Variants in DIMT1 observed in about 807,000 individuals in gnomAD.
DIMT1 encodes dimethyladenosine transferase.
In DIMT1, 36 loss-of-function variants were observed where a neutral mutation model predicts 43.2. The ratio of observed to expected loss-of-function variants is 0.83; its 90% CI spans 0.64 to 1.10. The LOEUF (loss-of-function observed/expected upper bound fraction) is 1.10, where lower values mean the gene tolerates loss of function less well. DIMT1 is among the 50% of genes least tolerant of loss of function. The pLI is 0.00. For missense variants in DIMT1, 341 were observed against 385.3 expected, an observed-to-expected ratio of 0.88 and a Z score of 0.96; for synonymous variants, 126 against 130.3, an observed-to-expected ratio of 0.97 and a Z score of 0.22.
chr5:62,389,114 A>G, intron 11 of DIMT1, 62 bp from the exon 12 acceptor site: 1 of 1,401,854 alleles, frequency 7.1e-7, no homozygotes, highest in South Asian at 1.2e-5. Context: ...ATAACGGTAT[A>G]TAGTTCTATA....
chr5:62,402,486 G>A (rs556880870), intron 2 of DIMT1, among the ~76,000 whole-genome samples: 1 of 152,274 alleles, frequency 6.6e-6, no homozygotes, highest in Admixed American at 6.5e-5. Flanking sequence ...GTTGGGCGAA[G>A]ATTTTTCAAT....
chr5:62,403,870 C>T lies in DIMT1; in HGVS notation c.-98G>A, dbSNP rs1412606943. 11 of 1,315,230 alleles carry T rather than the reference C, an allele frequency of 8.4e-6. No individual in the cohort carries two copies. The highest frequency in any genetic ancestry group is 2.5e-5 in the East Asian group (1 of 39,934). 81.5% of individuals were successfully genotyped at this position (1,315,230 alleles called of 1,614,324 possible). A position where few individuals can be genotyped will look rare whatever the true frequency, so the allele number is the denominator to read the frequency against. On this transcript the variant is annotated 5_prime_UTR_variant, in exon 1 of 12. Coordinates refer to ENST00000199320, the MANE Select transcript of DIMT1 (RefSeq NM_014473.4). ...ACGTGGGGATCGCCGCCACGCGCCG[C>T]CCGCACCACTCTGGCCCAAGCGCCG... is the stretch of plus-strand genomic sequence containing the variant.
intron 3 of DIMT1, 79 bp from the exon 4 acceptor site, chr5:62,398,960 A>G: frequency 1.8e-6 from 2 of 1,119,956 alleles, no homozygotes; most frequent in Non-Finnish European, 1.3e-6. Context: ...AGGAACTCTT[A>G]CATGATTTAT....
Position 62,403,318 on chromosome 5 carries a change from C to T in DIMT1, c.108G>A (p.Gln36=), listed in dbSNP as rs1282501872. The change falls in exon 2 of 12, where the codon CAG becomes CAA. Residue 36 remains glutamine, a synonymous_variant. Coordinates refer to ENST00000199320, the MANE Select transcript of DIMT1 (RefSeq NM_014473.4). ...GGLMFNTGIG[Q]HILKNPLIIN... is the part of the protein sequence containing the mutation. ...TAATGAGAGGATTTTTCAAAATGTG[C>T]TGCCCAATCCCCGTGTTGAACATGA... The T allele has an allele frequency of 5.6e-6, 9 of 1,613,926 alleles. No homozygotes were observed. The highest frequency in any genetic ancestry group is 7.6e-6 in the Non-Finnish European group (9 of 1,179,836).
At chr5:62,402,163 C>A in intron 2 of DIMT1, 41 bp from the exon 3 acceptor site, 1 of 1,593,948 alleles carries the variant, frequency 6.3e-7, no homozygotes, top group South Asian at 1.1e-5. Flanking sequence ...CTGGCAACAT[C>A]AGAACACAGA....
intron 10 of DIMT1, 97 bp from the exon 11 acceptor site, chr5:62,391,079 T>C: frequency 1.1e-6 from 1 of 920,334 alleles, no homozygotes; most frequent in South Asian, 1.5e-5. Flanking sequence ...ATAGTCACCT[T>C]TAATATATCT....
At chr5:62,389,507 G>GAAAAAAAAAAAAAAAAAA (rs1742201149) in intron 11 of DIMT1, among the ~76,000 whole-genome samples, 1 of 95,948 alleles carries the variant, frequency 1.0e-5, no homozygotes, top group African/African-American at 4.6e-5. Context: ...AAAAAGAAAT[G>GAAAAAAAAAAAAAAAAAA]TTATTGTCTG....
chr5:62,399,602 C>T (rs1323818940), intron 3 of DIMT1, among the ~76,000 whole-genome samples: 1 of 150,970 alleles, frequency 6.6e-6, no homozygotes, highest in Non-Finnish European at 1.5e-5. Flanking sequence ...CAAGACTGTG[C>T]CACTGCATTC....
At chr5:62,402,376 C>T (rs1357046525) in intron 2 of DIMT1, among the ~76,000 whole-genome samples, 1 of 152,210 alleles carries the variant, frequency 6.6e-6, no homozygotes, top group Non-Finnish European at 1.5e-5. Flanking sequence ...AACAGCATTT[C>T]TGGGATTGGC....
chr5:62,396,315 C>T (rs1265223456), intron 6 of DIMT1, among the ~76,000 whole-genome samples: 1 of 151,736 alleles, frequency 6.6e-6, no homozygotes, highest in African/African-American at 2.4e-5. Flanking sequence ...GGGGAGACAG[C>T]CTGGGCAACA....
chr5:62,403,480 ACAAACTCTTTATAAGTT>A, intron 1 of DIMT1, 134 bp from the exon 2 acceptor site: 2 of 1,002,416 alleles, frequency 2.0e-6, no homozygotes, highest in South Asian at 2.8e-5. Flanking sequence ...GCCAGGACTG[ACAAACTCTTTATAAGTT>A]CATCCTCCAG....
intron 6 of DIMT1, among the ~76,000 whole-genome samples, chr5:62,396,625 T>C (rs1387159304): frequency 1.3e-5 from 2 of 152,164 alleles, no homozygotes; most frequent in African/African-American, 2.4e-5. Context: ...GTAGAAGTAT[T>C]ATGGTGGAGG....
chr5:62,393,858 T>C, intron 8 of DIMT1, 97 bp downstream of exon 8: 9 of 1,036,482 alleles, frequency 8.7e-6, no homozygotes, highest in Non-Finnish European at 1.1e-5. Flanking sequence ...TGTTTGAATA[T>C]TTAGGTTGAT....
In DIMT1 at chr5:62,391,500, T is replaced by C. The variant is rs527324362; in HGVS notation, c.793-518A>G. The C allele has an allele frequency of 7.1e-5, 12 of 168,832 alleles. No individual in the cohort carries two copies. The East Asian group carries it at 1.8e-3, about 25-fold the overall frequency. The allele number at this position is 168,832 out of a possible 1,614,324, so 10.5% of individuals were successfully genotyped here. The stretch of plus-strand genomic sequence containing the variant: ...AATCTAGCTTAATATTTTTCTATTA[T>C]ACTTAGGCAGATTATCTAATGACTT... On this transcript the variant is annotated intron_variant, in intron 10 of 11. Transcript: ENST00000199320.
At chr5:62,403,120 A>G (rs1742766572) in intron 2 of DIMT1, among the ~76,000 whole-genome samples, 153 bp downstream of exon 2, 1 of 152,246 alleles carries the variant, frequency 6.6e-6, no homozygotes, top group Non-Finnish European at 1.5e-5. Flanking sequence ...ATCATGCAGA[A>G]GACAGCCCAA....
At chr5:62,398,391 A>G (rs1742575763) in intron 6 of DIMT1, 120 bp downstream of exon 6, 2 of 987,062 alleles carry the variant, frequency 2.0e-6, no homozygotes, top group African/African-American at 3.3e-5. Flanking sequence ...ACAAATCAAC[A>G]TTTTCTACAA....
rs990205871 is a variant in DIMT1 at position 62,396,351 on chromosome 5, TACA to T, written c.447-1747_447-1745del. On this transcript the variant is annotated intron_variant, in intron 6 of 11. Coordinates refer to ENST00000199320, the MANE Select transcript of DIMT1 (RefSeq NM_014473.4). ...TGGCAAGACCCATCTCTAAAAAAAA[TACA>T]ACAATTAGCTGGGTGTGGTGGCACA... Among the ~76,000 whole-genome samples, 12 of 151,706 alleles carry T rather than the reference TACA, an allele frequency of 7.9e-5. 2 individuals are homozygous for T. The highest frequency in any genetic ancestry group is 1.9e-4 in the East Asian group (1 of 5,136).
At chr5:62,402,150 C>T in intron 2 of DIMT1, 28 bp from the exon 3 acceptor site, 1 of 1,608,754 alleles carries the variant, frequency 6.2e-7, no homozygotes, top group South Asian at 1.1e-5. Flanking sequence ...CACTTTAGCT[C>T]TTCTGGCAAC....
At chr5:62,401,495 CAAAAAAAAA>C (rs563279122) in intron 3 of DIMT1, among the ~76,000 whole-genome samples, 3 of 60,500 alleles carry the variant, frequency 5.0e-5, no homozygotes, top group African/African-American at 1.3e-4. Context: ...ATTCCCTCTC[CAAAAAAAAA>C]AAAAAAAAAA....
Sources: allele counts gnomAD v4.1 joint callset (sites outside exome capture counted in the v4.1 genomes callset), GRCh38; gene constraint gnomAD v4.1.1; transcripts MANE v1.5; gene names NCBI Gene and HGNC (gene_info 2026-07-23, HGNC 2026-07-21).